GALNT17: variants seen among roughly 807,000 people sequenced by gnomAD.
GALNT17 encodes the protein UDP-GalNAc:polypeptide N-acetylgalactosaminyltransferase-like 3.
In GALNT17, 29 loss-of-function variants were observed where a neutral mutation model predicts 63.7. The observed-to-expected ratio is 0.46, with a 90% CI of 0.34 to 0.62. The LOEUF is 0.62. Ranked by LOEUF, GALNT17 falls within the 20% of genes least tolerant of loss-of-function variation. The probability of loss-of-function intolerance (pLI) is 0.01; values close to 1 mark genes in which losing one functional copy is unlikely to be tolerated. For missense variants in GALNT17, 603 were observed against 799.6 expected (o/e 0.75, Z 2.97); for synonymous variants, 305 against 318.3 (o/e 0.96, Z 0.45).
At chr7:71,366,566 C>T (rs907701163) in intron 2 of GALNT17, among the ~76,000 whole-genome samples, 8 of 150,612 alleles carry the variant, frequency 5.3e-5, no homozygotes, top group South Asian at 2.1e-4. Flanking sequence ...GGCGACAGAG[C>T]GAGACTCTGT....
At chr7:71,704,688 C>G (rs1240586651) in intron 9 of GALNT17, among the ~76,000 whole-genome samples, 1 of 152,112 alleles carries the variant, frequency 6.6e-6, no homozygotes, top group Non-Finnish European at 1.5e-5. Flanking sequence ...TCAAAGGAAT[C>G]ACATTTAGAG....
At chr7:71,478,735 C>T (rs556897875) in intron 5 of GALNT17, among the ~76,000 whole-genome samples, 1 of 152,134 alleles carries the variant, frequency 6.6e-6, no homozygotes, top group African/African-American at 2.4e-5. Flanking sequence ...GCTTCACAGA[C>T]AAAGGTCTGT....
chr7:71,408,660 C>A lies in GALNT17; in HGVS notation c.590-7229C>A, dbSNP rs111433480. Among the ~76,000 whole-genome samples the A allele has an allele frequency of 5.9e-5, 9 of 152,004 alleles. No homozygotes were observed. The East Asian group carries it at 1.5e-3, about 26-fold the overall frequency. ...GGGGAGCGGGGGAGGGATTGCTTGA[C>A]GCCAGGAGTTTGAAACCAGCCCGGG... On this transcript the variant is annotated intron_variant, in intron 3 of 10. Transcript: ENST00000333538.
At chr7:71,430,823 A>G (rs1278789954) in intron 5 of GALNT17, among the ~76,000 whole-genome samples, 2 of 152,208 alleles carry the variant, frequency 1.3e-5, no homozygotes, top group African/African-American at 4.8e-5. Context: ...CAGAGGAGGA[A>G]AGCTTTAAGA....
Position 71,217,663 on chromosome 7 carries a change from C to T in GALNT17, c.238+84623C>T, listed in dbSNP as rs563682359. 9.9e-5 allele frequency among the ~76,000 whole-genome samples: 15 copies of T among 152,140 alleles called. No homozygotes were observed. In the South Asian group the frequency reaches 2.1e-3, roughly 21 times the overall value. ...AATTCAGGCTGGGCATGGTGGCTCA[C>T]GCCTGTAATCCCAGCACTTTGGGAG... On this transcript the variant is annotated intron_variant, in intron 1 of 10. Transcript: ENST00000333538.
intron 6 of GALNT17, among the ~76,000 whole-genome samples, chr7:71,660,976 G>T (rs2117037939): frequency 6.6e-6 from 1 of 152,312 alleles, no homozygotes; most frequent in South Asian, 2.1e-4. Context: ...CCGCCACTTG[G>T]ATCCGTGCAG....
At chr7:71,580,343 G>A (rs1030900267) in intron 6 of GALNT17, among the ~76,000 whole-genome samples, 9 of 151,920 alleles carry the variant, frequency 5.9e-5, no homozygotes, top group Non-Finnish European at 1.0e-4. Flanking sequence ...GATAGATATA[G>A]ATGATAGATT....
At chr7:71,575,000 G>A (rs1789512378) in intron 6 of GALNT17, among the ~76,000 whole-genome samples, 1 of 152,126 alleles carries the variant, frequency 6.6e-6, no homozygotes, top group Non-Finnish European at 1.5e-5. Flanking sequence ...CCAGAGTCCT[G>A]TAGGCACCAA....
In GALNT17 at chr7:71,623,730, G is replaced by A. The variant is rs187329977; in HGVS notation, c.1081-41681G>A. Reference sequence around the variant, plus strand: ...GGATTACCGGCGTGAGCCACCGTGCGTGGCCTCAGTGGTAGTTTTGTTTCT... The same window carrying A: ...GGATTACCGGCGTGAGCCACCGTGCATGGCCTCAGTGGTAGTTTTGTTTCT... On this transcript the variant is annotated intron_variant, in intron 6 of 10. Transcript: ENST00000333538. 2.2e-3 allele frequency among the ~76,000 whole-genome samples: 342 copies of A among 152,206 alleles called. 4 individuals are homozygous for A. The highest frequency in any genetic ancestry group is 5.5e-3 in the Admixed American group (84 of 15,292).
At chr7:71,491,832 C>T (rs573782351) in intron 5 of GALNT17, among the ~76,000 whole-genome samples, 2 of 152,254 alleles carry the variant, frequency 1.3e-5, no homozygotes, top group East Asian at 1.9e-4. Flanking sequence ...CACTGTCCTA[C>T]GGAAATTCAT....
At chr7:71,687,211 C>A (rs550968340) in intron 9 of GALNT17, among the ~76,000 whole-genome samples, 1 of 152,288 alleles carries the variant, frequency 6.6e-6, no homozygotes, top group East Asian at 1.9e-4. Flanking sequence ...TAATTCATCA[C>A]CAAAATGACA....
intron 3 of GALNT17, among the ~76,000 whole-genome samples, chr7:71,402,768 T>C (rs1793262093): frequency 6.6e-6 from 1 of 152,214 alleles, no homozygotes; most frequent in Non-Finnish European, 1.5e-5. Context: ...CATTGTTTGC[T>C]TTTCTTCTTG....
intron 2 of GALNT17, among the ~76,000 whole-genome samples, chr7:71,348,291 G>C (rs1422242579): frequency 6.6e-6 from 1 of 151,994 alleles, no homozygotes; most frequent in African/African-American, 2.4e-5. Flanking sequence ...ATGCTCTTGA[G>C]ACTTAACTGT....
At chr7:71,550,479 C>T (rs1427772261) in intron 5 of GALNT17, among the ~76,000 whole-genome samples, 8 of 152,066 alleles carry the variant, frequency 5.3e-5, no homozygotes, top group Non-Finnish European at 1.5e-5. Flanking sequence ...CTCCCGGGTT[C>T]AAGCAATTCT....
intron 10 of GALNT17, 38 bp from the exon 11 acceptor site, chr7:71,711,980 C>CTCTCT (rs1487976448): frequency 6.2e-7 from 1 of 1,610,166 alleles, no homozygotes; most frequent in Non-Finnish European, 8.5e-7. Context: ...TCTCTCCTCT[C>CTCTCT]TCTCTTCTCC....
At chr7:71,176,715 G>A (rs1788645500) in intron 1 of GALNT17, among the ~76,000 whole-genome samples, 1 of 152,128 alleles carries the variant, frequency 6.6e-6, no homozygotes, top group Non-Finnish European at 1.5e-5. Context: ...AGGCTGTTGT[G>A]TACTCTGAAC....
At chr7:71,139,446 T>C (rs773490594) in intron 1 of GALNT17, among the ~76,000 whole-genome samples, 122 of 152,290 alleles carry the variant, frequency 8.0e-4, no homozygotes, top group Non-Finnish European at 1.4e-3. Flanking sequence ...GGATAGTGAA[T>C]AGAAGTGGAG....
intron 1 of GALNT17, among the ~76,000 whole-genome samples, chr7:71,230,242 T>C (rs1789762652): frequency 6.6e-6 from 1 of 151,504 alleles, no homozygotes; most frequent in African/African-American, 2.4e-5. Context: ...TTCAGAATAC[T>C]TTCAGCCTCA....
chr7:71,597,516 T>TAATAAATAAATA (rs34346162), intron 6 of GALNT17, among the ~76,000 whole-genome samples: 10,546 of 149,752 alleles, frequency 0.07, 520 homozygotes, highest in Non-Finnish European at 0.11. Context: ...CTTAAAAGAG[T>TAATAAATAAATA]AATAAATAAA....
Sources: gnomAD v4.1 joint callset for allele counts (sites outside exome capture counted in the v4.1 genomes callset) on GRCh38, gnomAD v4.1.1 for gene constraint, MANE v1.5 for transcripts, NCBI Gene and HGNC (gene_info 2026-07-23, HGNC 2026-07-21) for gene names.